Variants in SCN10A observed in about 807,000 individuals in gnomAD.
SCN10A encodes the protein sodium channel protein type 10 subunit alpha.
A neutral mutation model predicts 170.7 loss-of-function variants in SCN10A; 162 were observed. The ratio of observed to expected loss-of-function variants is 0.95; its 90% CI spans 0.84 to 1.08. The LOEUF is 1.08. Ranked by LOEUF, SCN10A falls within the 50% of genes least tolerant of loss-of-function variation. The pLI, the probability that SCN10A is intolerant of heterozygous loss-of-function variation, is 0.00. For synonymous variants in SCN10A, 985 were observed against 904.6 expected, an observed-to-expected ratio of 1.09 and a Z score of -1.59; for missense variants, 2,527 against 2,436.9, an observed-to-expected ratio of 1.04 and a Z score of -0.78.
In SCN10A at chr3:38,698,495, G is replaced by T; in HGVS notation, c.4725C>A (p.Ile1575=). The T allele has an allele frequency of 6.2e-7, 1 of 1,614,174 alleles. No individual in the cohort carries two copies. Among genetic ancestry groups the T allele is most frequent in the Non-Finnish European group, 8.5e-7 (1 of 1,180,026 alleles). ...SYFSPTLFRV[I]RLARIGRILR... ...GGATGCGGCCAATTCGGGCCAGGCG[G>T]ATGACTCTGAAGAGCGTTGGGGAGA... The change falls in exon 28 of 28, where the codon ATC becomes ATA. Residue 1575 remains isoleucine, a synonymous_variant. Transcript: ENST00000449082.
At chr3:38,782,641 A>G (rs2064152283) in intron 4 of SCN10A, among the ~76,000 whole-genome samples, 1 of 152,128 alleles carries the variant, frequency 6.6e-6, no homozygotes, top group Admixed American at 6.6e-5. Flanking sequence ...AAACTCCAAA[A>G]GAAGCATAGA....
At chr3:38,738,247 G>C (rs1176904134) in intron 15 of SCN10A, among the ~76,000 whole-genome samples, 1 of 152,066 alleles carries the variant, frequency 6.6e-6, no homozygotes, top group African/African-American at 2.4e-5. Flanking sequence ...TGGTCACATT[G>C]ATTTCTATGT....
At position 38,756,642 on chromosome 3, in the gene SCN10A, C is replaced by G. The variant is rs375206783; in HGVS notation, c.1290+32G>C. Reference sequence around the variant, plus strand: ...GTATCCAAGAATGGACAGTCTGCAACCTTCTTCACAAAGCTTCCACTCCTC... The same window carrying G: ...GTATCCAAGAATGGACAGTCTGCAAGCTTCTTCACAAAGCTTCCACTCCTC... On this transcript the variant is annotated intron_variant, in intron 10 of 27. Transcript: ENST00000449082. The G allele has an allele frequency of 3.8e-6, 6 of 1,578,702 alleles. No homozygotes were observed. In the African/African-American group the frequency reaches 8.1e-5, roughly 21 times the overall value.
intron 15 of SCN10A, among the ~76,000 whole-genome samples, chr3:38,737,222 G>A (rs1241108989): frequency 6.6e-6 from 1 of 151,236 alleles, no homozygotes; most frequent in African/African-American, 2.4e-5. Context: ...CGCCTGCCTC[G>A]GCCTCCCAAA....
chr3:38,719,495 G>A (rs898069632), intron 20 of SCN10A, among the ~76,000 whole-genome samples: 5 of 144,232 alleles, frequency 3.5e-5, no homozygotes, highest in Non-Finnish European at 6.0e-5. Context: ...CCAGGTTCAC[G>A]CCATTCTCCT....
intron 1 of SCN10A, among the ~76,000 whole-genome samples, chr3:38,804,111 A>G (rs1371769745): frequency 1.3e-5 from 2 of 152,166 alleles, no homozygotes; most frequent in Non-Finnish European, 2.9e-5. Flanking sequence ...GTGTGTTCCC[A>G]TAACTTCATC....
chr3:38,755,952 C>G lies in SCN10A; in HGVS notation c.1297G>C (p.Ala433Pro). 6.2e-7 allele frequency: 1 copy of G among 1,614,184 alleles called. No homozygotes were observed. The highest frequency in any genetic ancestry group is 8.5e-7 in the Non-Finnish European group (1 of 1,180,018). The change falls in exon 11 of 28, where the codon GCA becomes CCA. Residue 433 changes from alanine to proline, a missense_variant. Coordinates refer to ENST00000449082, the MANE Select transcript of SCN10A (RefSeq NM_006514.4). ...GAGGTTGTGTCAATCCCTAGTGCTGCTAGCACCTGCGAAGAGAGAACAGCA... is the reference window on the plus strand; with the variant it reads ...GAGGTTGTGTCAATCCCTAGTGCTGGTAGCACCTGCGAAGAGAGAACAGCA... ...EMLRKEQEVL[A>P]ALGIDTTSLH... is the part of the protein sequence containing the mutation.
chr3:38,741,265 G>T (rs2063628317), intron 14 of SCN10A, among the ~76,000 whole-genome samples: 1 of 149,968 alleles, frequency 6.7e-6, no homozygotes, highest in East Asian at 2.0e-4. Context: ...TCTAGCTTCT[G>T]CCTATCATGT....
At chr3:38,785,991 A>G (rs2064196140) in intron 4 of SCN10A, among the ~76,000 whole-genome samples, 3 of 152,126 alleles carry the variant, frequency 2.0e-5, no homozygotes, top group Admixed American at 2.0e-4. Context: ...GATGCTGGAG[A>G]GGATGTGGAG....
intron 26 of SCN10A, 77 bp from the exon 27 acceptor site, chr3:38,702,186 T>G (rs1027607848): frequency 6.9e-7 from 1 of 1,447,176 alleles, no homozygotes; most frequent in Admixed American, 2.4e-5. Flanking sequence ...TGTAGATGAG[T>G]TTTGTCTCCA....
At position 38,723,529 on chromosome 3, in the gene SCN10A, C is replaced by T. The variant is rs756513893; in HGVS notation, c.3253G>A (p.Glu1085Lys). 40 of 1,606,482 alleles carry T rather than the reference C, an allele frequency of 2.5e-5. No homozygotes were observed. The South Asian group carries it at 4.4e-4, about 18-fold the overall frequency. Reference sequence around the variant, plus strand: ...TCTAGGCAGTCCACCGTGCTGCCCTCAGAGGAGCTTGTGTCGTCCACTCCC... The same window carrying T: ...TCTAGGCAGTCCACCGTGCTGCCCTTAGAGGAGCTTGTGTCGTCCACTCCC... The part of the protein sequence containing the change: ...AEGVDDTSSS[E>K]GSTVDCLDPE... Residue 1085 changes from glutamate (E) to lysine (K), a missense_variant, in exon 19 of 28, where the codon GAG becomes AAG. Coordinates refer to ENST00000449082, the MANE Select transcript of SCN10A (RefSeq NM_006514.4).
intron 26 of SCN10A, among the ~76,000 whole-genome samples, chr3:38,702,484 C>G (rs532092884): frequency 3.3e-5 from 5 of 152,354 alleles, no homozygotes; most frequent in African/African-American, 9.6e-5. Flanking sequence ...ACACACTACC[C>G]TGTCCCTTTG....
At position 38,726,593 on chromosome 3, in the gene SCN10A, G is replaced by A; in HGVS notation, c.3087+13C>T. ...CCCACTGCCTGTGGCTGTCCCTTGG[G>A]GATAACTCTTACCTGTCCTTTGGGG... On this transcript the variant is annotated intron_variant, in intron 17 of 27. Coordinates refer to ENST00000449082, the MANE Select transcript of SCN10A (RefSeq NM_006514.4). 6.4e-7 allele frequency: 1 copy of A among 1,558,740 alleles called. No individual in the cohort carries two copies. The highest frequency in any genetic ancestry group is 8.7e-7 in the Non-Finnish European group (1 of 1,145,298).
intron 15 of SCN10A, among the ~76,000 whole-genome samples, chr3:38,736,962 C>CGTTT (rs2063567690): frequency 4.3e-5 from 3 of 69,246 alleles, no homozygotes; most frequent in East Asian, 4.6e-4. Flanking sequence ...CAGAAATGTT[C>CGTTT]GTTTTTTTTT....
chr3:38,727,050 C>A lies in SCN10A; in HGVS notation c.2643G>T (p.Val881=), dbSNP rs1053471580. 6.2e-7 allele frequency: 1 copy of A among 1,600,430 alleles called. No individual in the cohort carries two copies. Among genetic ancestry groups the A allele is most frequent in the African/African-American group, 1.3e-5 (1 of 74,810 alleles). ...LTVMVLGNLV[V]LNLFIALLLN... ...ATAGCAGGGCGATGAACAGGTTAAG[C>A]ACCTGAAGAGAAGGAATGGAAGGGA... The change falls in exon 17 of 28, where the codon GTG becomes GTT. Residue 881 remains valine (V), a splice_region_variant and synonymous_variant. Coordinates refer to ENST00000449082, the MANE Select transcript of SCN10A (RefSeq NM_006514.4).
intron 26 of SCN10A, among the ~76,000 whole-genome samples, chr3:38,705,944 C>T (rs1243432039): frequency 1.3e-5 from 2 of 152,126 alleles, no homozygotes; most frequent in African/African-American, 4.8e-5. Context: ...GAGCCTGCTC[C>T]TCTCCACTGA....
rs1207842320 is a variant in SCN10A, at chr3:38,726,729, G to A, written c.2964C>T (p.Ile988=). ...CAGAGACCCACACAGTCGGATTAGC[G>A]ATGAAGTCACTGTGCTCATCCCTGG... ...RGPRDEHSDF[I]ANPTVWVSVP... The change falls in exon 17 of 28, where the codon ATC becomes ATT. Residue 988 remains isoleucine (I), a synonymous_variant. Coordinates refer to ENST00000449082, the MANE Select transcript of SCN10A (RefSeq NM_006514.4). 24 of 1,612,942 alleles carry A rather than the reference G, an allele frequency of 1.5e-5. 1 individual carries two copies. Among genetic ancestry groups the A allele is most frequent in the South Asian group, 8.8e-5 (8 of 91,062 alleles).
chr3:38,721,147 G>A (rs2063385732), intron 20 of SCN10A, among the ~76,000 whole-genome samples: 1 of 152,178 alleles, frequency 6.6e-6, no homozygotes, highest in Non-Finnish European at 1.5e-5. Flanking sequence ...TAAAGCTGAG[G>A]CCATGCACCG....
At chr3:38,741,670 A>G (rs62242450) in intron 14 of SCN10A, among the ~76,000 whole-genome samples, 12,712 of 152,194 alleles carry the variant, frequency 0.084, 736 homozygotes, top group East Asian at 0.19. Context: ...TTAAGAGTAA[A>G]TAATACTAAC....
Sources: gnomAD v4.1 joint callset for allele counts (sites outside exome capture counted in the v4.1 genomes callset) on GRCh38, gnomAD v4.1.1 for gene constraint, MANE v1.5 for transcripts, NCBI Gene and HGNC (gene_info 2026-07-23, HGNC 2026-07-21) for gene names.